The following NCKAP5 variants were observed in gnomAD, a reference collection of about 807,000 sequenced individuals.
The protein encoded by NCKAP5 is NCK associated protein 5.
NCKAP5 carries 92 observed loss-of-function variants against 167.0 expected under a neutral mutation model. That is an observed-to-expected ratio of 0.55 (90% CI 0.47 to 0.66). NCKAP5 has a LOEUF of 0.66. Ranked by LOEUF, NCKAP5 falls within the 30% of genes least tolerant of loss-of-function variation. NCKAP5 has a pLI of 0.00. For synonymous variants in NCKAP5, 891 were observed against 877.4 expected, an observed-to-expected ratio of 1.02 and a Z score of -0.27; for missense variants, 2,378 against 2,315.0, an observed-to-expected ratio of 1.03 and a Z score of -0.56.
At chr2:133,230,635 G>T (rs1049494952) in intron 4 of NCKAP5, among the ~76,000 whole-genome samples, 12 of 152,148 alleles carry the variant, frequency 7.9e-5, no homozygotes, top group African/African-American at 2.9e-4. Flanking sequence ...ATATAATTCA[G>T]GGCTTTACTC....
At chr2:133,042,037 T>C (rs960804377) in intron 6 of NCKAP5, among the ~76,000 whole-genome samples, 2 of 152,174 alleles carry the variant, frequency 1.3e-5, no homozygotes, top group Non-Finnish European at 2.9e-5. Context: ...ATTTGTCCTA[T>C]TTTTATGACA....
intron 6 of NCKAP5, among the ~76,000 whole-genome samples, chr2:133,031,750 T>A (rs2078888358): frequency 6.6e-6 from 1 of 151,910 alleles, no homozygotes; most frequent in Admixed American, 6.6e-5. Context: ...GGGAGGACTT[T>A]GTCTTGCATA....
intron 8 of NCKAP5, among the ~76,000 whole-genome samples, chr2:132,926,528 C>T (rs1435817238): frequency 6.6e-6 from 1 of 152,142 alleles, no homozygotes; most frequent in Non-Finnish European, 1.5e-5. Context: ...ATCTCACCAA[C>T]ATTTGTTTTT....
chr2:133,242,840 T>A (rs2087784531), intron 4 of NCKAP5, among the ~76,000 whole-genome samples: 1 of 152,152 alleles, frequency 6.6e-6, no homozygotes, highest in Admixed American at 6.5e-5. Flanking sequence ...ACCGGGAAAG[T>A]TTTTTTATAG....
At chr2:133,387,679 C>A (rs1687086793) in intron 3 of NCKAP5, among the ~76,000 whole-genome samples, 1 of 152,162 alleles carries the variant, frequency 6.6e-6, no homozygotes, top group African/African-American at 2.4e-5. Flanking sequence ...TTCAGGTATA[C>A]CAGTCAGACG....
intron 6 of NCKAP5, among the ~76,000 whole-genome samples, chr2:133,023,130 C>T (rs187380615): frequency 6.6e-6 from 1 of 152,102 alleles, no homozygotes; most frequent in African/African-American, 2.4e-5. Flanking sequence ...TGCCTGGATC[C>T]CAGATGCACA....
intron 16 of NCKAP5, among the ~76,000 whole-genome samples, chr2:132,768,291 T>A (rs1320930635): frequency 3.3e-5 from 5 of 152,206 alleles, no homozygotes; most frequent in African/African-American, 1.2e-4. Flanking sequence ...TATAAGATTT[T>A]ACAAATCCCC....
intron 6 of NCKAP5, among the ~76,000 whole-genome samples, chr2:133,120,841 C>A (rs2082227224): frequency 6.6e-6 from 1 of 152,192 alleles, no homozygotes; most frequent in Non-Finnish European, 1.5e-5. Context: ...AAGCAAATTT[C>A]TGTCATAAAC....
intron 15 of NCKAP5, among the ~76,000 whole-genome samples, chr2:132,774,367 C>A (rs1343218069): frequency 6.6e-6 from 1 of 152,092 alleles, no homozygotes; most frequent in African/African-American, 2.4e-5. Context: ...CTGGCTCTTT[C>A]CTGGAATGTA....
intron 5 of NCKAP5, among the ~76,000 whole-genome samples, chr2:133,156,721 C>T (rs916521839): frequency 1.3e-5 from 2 of 152,150 alleles, no homozygotes; most frequent in African/African-American, 4.8e-5. Flanking sequence ...TTCTAACCTG[C>T]TTCCTTGCCT....
intron 6 of NCKAP5, among the ~76,000 whole-genome samples, chr2:133,053,378 G>A (rs2079676332): frequency 6.6e-6 from 1 of 152,170 alleles, no homozygotes; most frequent in Admixed American, 6.5e-5. Flanking sequence ...AAAGTCTTTG[G>A]TCTAGTGGTA....
intron 3 of NCKAP5, among the ~76,000 whole-genome samples, chr2:133,374,528 A>G (rs1686011711): frequency 6.6e-6 from 1 of 151,382 alleles, no homozygotes; most frequent in Non-Finnish European, 1.5e-5. Flanking sequence ...CAAATGCACC[A>G]CTCTAGTGGG....
intron 8 of NCKAP5, chr2:132,954,721 G>C (rs773156416): frequency 2.2e-6 from 1 of 449,568 alleles, no homozygotes; most frequent in South Asian, 1.6e-5. Flanking sequence ...AAAAAGACTA[G>C]AAATATATAT....
intron 3 of NCKAP5, among the ~76,000 whole-genome samples, chr2:133,446,035 C>T (rs1559490750): frequency 1.3e-5 from 2 of 152,012 alleles, no homozygotes; most frequent in Non-Finnish European, 2.9e-5. Flanking sequence ...GGCACTTGGC[C>T]ATGTCTTAAT....
At chr2:133,281,741 C>A (rs1399833956) in intron 4 of NCKAP5, among the ~76,000 whole-genome samples, 3 of 152,136 alleles carry the variant, frequency 2.0e-5, no homozygotes, top group African/African-American at 4.8e-5. Context: ...TGACAAGCAA[C>A]CCCTAGATCT....
At chr2:133,388,741 G>A (rs376527090) in intron 3 of NCKAP5, among the ~76,000 whole-genome samples, 5 of 152,190 alleles carry the variant, frequency 3.3e-5, no homozygotes, top group African/African-American at 9.6e-5. Flanking sequence ...AATGGTGGGC[G>A]CCCCTCCCCC....
the NCKAP5 span, among the ~76,000 whole-genome samples, chr2:133,575,965 T>C: frequency 0.83 from 127,110 of 152,258 alleles, 53,295 homozygotes; most frequent in East Asian, 0.97. Flanking sequence ...TGCAGAGACC[T>C]TCTTCTATGC....
intron 3 of NCKAP5, among the ~76,000 whole-genome samples, chr2:133,438,429 G>A (rs182989523): frequency 2.2e-4 from 34 of 152,254 alleles, no homozygotes; most frequent in Admixed American, 1.3e-3. Flanking sequence ...GTAACACATC[G>A]TATCATCAGA....
At chr2:133,193,038 T>A (rs1178536255) in intron 5 of NCKAP5, among the ~76,000 whole-genome samples, 1 of 152,076 alleles carries the variant, frequency 6.6e-6, no homozygotes, top group Non-Finnish European at 1.5e-5. Context: ...TTGTGGTACA[T>A]CCATATCATG....
Sources: gnomAD v4.1 joint callset for allele counts (sites outside exome capture counted in the v4.1 genomes callset) on GRCh38, gnomAD v4.1.1 for gene constraint, MANE v1.5 for transcripts, NCBI Gene and HGNC (gene_info 2026-07-23, HGNC 2026-07-21) for gene names.